Variants in BARD1 observed in about 807,000 individuals in gnomAD.
BARD1 encodes BRCA1 associated RING domain 1.
Under a neutral mutation model 77.0 loss-of-function variants are expected in BARD1, and 73 were observed. The observed-to-expected ratio is 0.95, with a 90% CI of 0.79 to 1.15. BARD1 has a LOEUF of 1.15. Among genes scored for constraint, BARD1 ranks in the 50% most tolerant of loss-of-function variants. BARD1 has a pLI of 0.00. For missense variants in BARD1, 993 were observed against 938.8 expected (o/e 1.06, Z -0.75); for synonymous variants, 384 against 338.0 (o/e 1.14, Z -1.49).
intron 3 of BARD1, 53 bp from the exon 4 acceptor site, chr2:214,781,562 A>G: frequency 2.7e-6 from 4 of 1,458,642 alleles, no homozygotes; most frequent in Non-Finnish European, 3.8e-6. Context: ...TTGCTCCCAC[A>G]TGGAGCTCCC....
chr2:214,736,347 CTATTT>C (rs1293511381), intron 9 of BARD1, among the ~76,000 whole-genome samples: 1 of 151,994 alleles, frequency 6.6e-6, no homozygotes, highest in Non-Finnish European at 1.5e-5. Context: ...CTCAAATTCA[CTATTT>C]TATATGTGAT....
At chr2:214,804,493 T>C (rs1696176228) in intron 1 of BARD1, among the ~76,000 whole-genome samples, 1 of 152,166 alleles carries the variant, frequency 6.6e-6, no homozygotes, top group African/African-American at 2.4e-5. Flanking sequence ...AATTCTAACT[T>C]GGAAGATACG....
intron 6 of BARD1, among the ~76,000 whole-genome samples, chr2:214,761,475 G>A (rs769785770): frequency 2.6e-5 from 4 of 151,994 alleles, no homozygotes; most frequent in African/African-American, 4.8e-5. Flanking sequence ...ACAACACCAA[G>A]TCAAGGTTAT....
intron 10 of BARD1, 99 bp from the exon 11 acceptor site, chr2:214,729,107 C>A (rs1471815356): frequency 1.5e-6 from 2 of 1,331,158 alleles, no homozygotes; most frequent in Non-Finnish European, 2.1e-6. Flanking sequence ...GTTGAATATC[C>A]CTTACCTGAA....
chr2:214,741,631 C>T (rs1241829393), intron 9 of BARD1, among the ~76,000 whole-genome samples: 26 of 152,106 alleles, frequency 1.7e-4, no homozygotes, highest in Non-Finnish European at 1.5e-5. Context: ...GAGTCTCCCT[C>T]ACCATTTTGA....
chr2:214,744,962 G>T lies in BARD1; in HGVS notation c.1903+105C>A, dbSNP rs1418711187. On this transcript the variant is annotated intron_variant, in intron 9 of 10. Coordinates refer to ENST00000260947, the MANE Select transcript of BARD1 (RefSeq NM_000465.4). ...TTTTCCAAAATGCAGTGACTAACCAGAGGTAAGAAAATTAACATCAAGTTC... is the reference window on the plus strand; with the variant it reads ...TTTTCCAAAATGCAGTGACTAACCATAGGTAAGAAAATTAACATCAAGTTC... The T allele has an allele frequency of 7.7e-6, 8 of 1,037,854 alleles. No homozygotes were observed. The Admixed American group carries it at 1.2e-4, about 15-fold the overall frequency. The allele number at this position is 1,037,854 out of a possible 1,614,324, so 64.3% of individuals were successfully genotyped here.
In BARD1 at chr2:214,729,413, G is replaced by A. The variant is rs142839313; in HGVS notation, c.2002-405C>T. On this transcript the variant is annotated intron_variant, in intron 10 of 10. Coordinates refer to ENST00000260947, the MANE Select transcript of BARD1 (RefSeq NM_000465.4). ...AAGTTTTGGATTTTGGAGCATTTTAGATGTTGGATTAGGAATGCTCCATCT... is the reference window on the plus strand; with the variant it reads ...AAGTTTTGGATTTTGGAGCATTTTAAATGTTGGATTAGGAATGCTCCATCT... Among the ~76,000 whole-genome samples the A allele has an allele frequency of 4.3e-3, 657 of 152,294 alleles. 9 individuals carry two copies. Among genetic ancestry groups the A allele is most frequent in the African/African-American group, 0.015 (630 of 41,564 alleles).
intron 6 of BARD1, among the ~76,000 whole-genome samples, chr2:214,763,871 T>C (rs994691350): frequency 2.0e-5 from 3 of 152,148 alleles, no homozygotes; most frequent in Non-Finnish European, 1.5e-5. Context: ...CCTTAAGAAA[T>C]GGAGGAAAGG....
intron 2 of BARD1, among the ~76,000 whole-genome samples, chr2:214,793,887 A>C (rs536490041): frequency 6.6e-6 from 1 of 152,264 alleles, no homozygotes; most frequent in Admixed American, 6.5e-5. Context: ...AACCAATGAA[A>C]TTTCATGTAA....
Position 214,785,926 on chromosome 2 carries a change from A to G in BARD1, c.365-4417T>C, listed in dbSNP as rs1019139184. ...TTATTCCTATTTTAAAAAGAAAGAG[A>G]AGAGAGAGAGAGACAGAGAAAAAGA... On this transcript the variant is annotated intron_variant, in intron 3 of 10. Coordinates refer to ENST00000260947, the MANE Select transcript of BARD1 (RefSeq NM_000465.4). 5.9e-5 allele frequency among the ~76,000 whole-genome samples: 9 copies of G among 151,856 alleles called. No individual in the cohort carries two copies. The East Asian group carries it at 9.6e-4, about 16-fold the overall frequency.
intron 9 of BARD1, among the ~76,000 whole-genome samples, chr2:214,734,504 G>A (rs1332179217): frequency 1.3e-5 from 2 of 152,064 alleles, no homozygotes; most frequent in Non-Finnish European, 2.9e-5. Flanking sequence ...AGAACCATGA[G>A]AGCAGTATCA....
chr2:214,779,192 G>A (rs1341342876), intron 4 of BARD1, among the ~76,000 whole-genome samples: 2 of 152,066 alleles, frequency 1.3e-5, no homozygotes, highest in Non-Finnish European at 2.9e-5. Context: ...CAGAAATAGA[G>A]TACAGTCATC....
chr2:214,785,722 AAAG>A (rs1574829509), intron 3 of BARD1, among the ~76,000 whole-genome samples: 1 of 146,712 alleles, frequency 6.8e-6, no homozygotes, highest in Admixed American at 6.7e-5. Flanking sequence ...CCAGAAAAAA[AAAG>A]AAAGAAAGAA....
chr2:214,781,763 A>C (rs932260091), intron 3 of BARD1, among the ~76,000 whole-genome samples: 1 of 152,182 alleles, frequency 6.6e-6, no homozygotes, highest in African/African-American at 2.4e-5. Flanking sequence ...TATTCCAAAT[A>C]TAGTACCCAA....
chr2:214,740,717 A>G (rs1177031625), intron 9 of BARD1, among the ~76,000 whole-genome samples: 1 of 151,986 alleles, frequency 6.6e-6, no homozygotes, highest in Non-Finnish European at 1.5e-5. Context: ...TATATTCTCT[A>G]CTTCTTGCTG....
chr2:214,807,609 G>C (rs1253011649), intron 1 of BARD1, among the ~76,000 whole-genome samples: 2 of 152,032 alleles, frequency 1.3e-5, no homozygotes, highest in Non-Finnish European at 2.9e-5. Context: ...TGTCTGCTTT[G>C]TTCACTAACA....
At chr2:214,780,102 A>G (rs957821305) in intron 4 of BARD1, among the ~76,000 whole-genome samples, 2 of 152,198 alleles carry the variant, frequency 1.3e-5, no homozygotes, top group African/African-American at 4.8e-5. Flanking sequence ...CTGATAGTCA[A>G]ATGTCCCGGT....
intron 7 of BARD1, among the ~76,000 whole-genome samples, chr2:214,747,691 C>T (rs1002919015): frequency 0.014 from 1,658 of 117,758 alleles, 20 homozygotes; most frequent in Non-Finnish European, 0.021. Context: ...GAACATCACA[C>T]TCTGGGGACT....
rs2106145442 is a variant in BARD1, at chr2:214,797,043, C to G, written c.215+18G>C. The G allele has an allele frequency of 6.3e-7, 1 of 1,592,674 alleles. No homozygotes were observed. Among genetic ancestry groups the G allele is most frequent in the African/African-American group, 1.3e-5 (1 of 74,504 alleles). On this transcript the variant is annotated intron_variant, in intron 2 of 10. Transcript: ENST00000260947. ...AAAAATACAGTTGTACTATATACAT[C>G]AAACCGTAATTACTTACCTACAGAA...
Sources: allele counts gnomAD v4.1 joint callset (sites outside exome capture counted in the v4.1 genomes callset), GRCh38; gene constraint gnomAD v4.1.1; transcripts MANE v1.5; gene names NCBI Gene and HGNC (gene_info 2026-07-23, HGNC 2026-07-21).